AGBL4: variants seen among roughly 807,000 people sequenced by gnomAD.
AGBL4 encodes AGBL carboxypeptidase 4.
In AGBL4, 58 loss-of-function variants were observed where a neutral mutation model predicts 66.4. The observed-to-expected ratio is 0.87, with a 90% CI of 0.71 to 1.09. AGBL4 has a LOEUF of 1.09. Ranked by LOEUF, AGBL4 falls within the 50% of genes least tolerant of loss-of-function variation. The pLI is 0.00. For synonymous variants in AGBL4, 234 were observed against 222.9 expected (o/e 1.05, Z -0.44); for missense variants, 579 against 631.0 (o/e 0.92, Z 0.88).
chr1:49,928,993 G>A (rs772385072), intron 1 of AGBL4, among the ~76,000 whole-genome samples: 76 of 152,058 alleles, frequency 5.0e-4, no homozygotes, highest in Non-Finnish European at 8.4e-4. Context: ...CCATAAAAAA[G>A]AATGAAATCA....
At chr1:49,927,919 TAGAC>T (rs1652955357) in intron 1 of AGBL4, among the ~76,000 whole-genome samples, 1 of 152,030 alleles carries the variant, frequency 6.6e-6, no homozygotes, top group Non-Finnish European at 1.5e-5. Context: ...AATGATAAAA[TAGAC>T]AAGGACATAA....
At chr1:48,899,466 C>A (rs1651880638) in intron 5 of AGBL4, among the ~76,000 whole-genome samples, 1 of 150,374 alleles carries the variant, frequency 6.7e-6, no homozygotes, top group African/African-American at 2.5e-5. Flanking sequence ...CATTTCCAGG[C>A]AGCAAAGAGA....
chr1:49,321,075 G>T (rs1203947441), intron 3 of AGBL4, among the ~76,000 whole-genome samples: 2 of 152,026 alleles, frequency 1.3e-5, no homozygotes, highest in Non-Finnish European at 2.9e-5. Flanking sequence ...TGAAAATTGG[G>T]TGGGGACACA....
At chr1:49,157,143 G>C (rs1646446988) in intron 4 of AGBL4, among the ~76,000 whole-genome samples, 1 of 151,786 alleles carries the variant, frequency 6.6e-6, no homozygotes, top group South Asian at 2.1e-4. Flanking sequence ...GTGCAGGTTT[G>C]TTGCACAGGT....
intron 1 of AGBL4, among the ~76,000 whole-genome samples, chr1:49,891,380 T>C (rs577340948): frequency 5.5e-4 from 84 of 152,266 alleles, no homozygotes; most frequent in African/African-American, 2.0e-3. Flanking sequence ...CTGGGCAATT[T>C]TGCTGCTCAA....
chr1:48,889,447 T>C (rs1221036395), intron 5 of AGBL4, among the ~76,000 whole-genome samples: 2 of 151,892 alleles, frequency 1.3e-5, no homozygotes, highest in South Asian at 2.1e-4. Context: ...ATAAACTGAG[T>C]GAGAAAGATA....
In AGBL4 at chr1:49,843,697, T is replaced by C. The variant is rs142901491; in HGVS notation, c.157+7699A>G. ...CCTCCCTCCCATGTAATGGGAAACATACAGGTTCTATGGTTAAGATGTGGG... is the reference window on the plus strand; with the variant it reads ...CCTCCCTCCCATGTAATGGGAAACACACAGGTTCTATGGTTAAGATGTGGG... On this transcript the variant is annotated intron_variant, in intron 2 of 13. Coordinates refer to ENST00000371839, the MANE Select transcript of AGBL4 (RefSeq NM_032785.4). Among the ~76,000 whole-genome samples, 557 of 152,310 alleles carry C rather than the reference T, an allele frequency of 3.7e-3. 3 individuals carry two copies. Among genetic ancestry groups the C allele is most frequent in the African/African-American group, 0.013 (547 of 41,568 alleles).
chr1:48,691,367 C>T (rs554733638), intron 6 of AGBL4, among the ~76,000 whole-genome samples: 6 of 152,120 alleles, frequency 3.9e-5, no homozygotes, highest in East Asian at 3.9e-4. Flanking sequence ...ATTTTAAGTG[C>T]ACACACGGCT....
chr1:48,999,013 C>T (rs1661209325), intron 5 of AGBL4, among the ~76,000 whole-genome samples: 1 of 152,164 alleles, frequency 6.6e-6, no homozygotes, highest in Admixed American at 6.5e-5. Context: ...GAGTTTACTT[C>T]CATAAAAGGA....
chr1:49,594,722 A>G (rs573215356), intron 3 of AGBL4, among the ~76,000 whole-genome samples: 5 of 152,180 alleles, frequency 3.3e-5, no homozygotes, highest in Non-Finnish European at 7.3e-5. Flanking sequence ...CTGCATAGTT[A>G]TCCATGGTGT....
downstream of AGBL4, among the ~76,000 whole-genome samples, chr1:48,528,252 G>A (rs549769757): frequency 2.6e-5 from 4 of 152,280 alleles, no homozygotes; most frequent in South Asian, 2.1e-4. Flanking sequence ...GCAATGGGAC[G>A]TGGTGGTTGG....
intron 3 of AGBL4, among the ~76,000 whole-genome samples, chr1:49,636,941 A>C (rs1167531054): frequency 6.6e-6 from 1 of 152,184 alleles, no homozygotes; most frequent in Admixed American, 6.5e-5. Flanking sequence ...GGGCTGGGAA[A>C]GGCAGACCCA....
chr1:49,341,995 T>C (rs1161682577), intron 3 of AGBL4, among the ~76,000 whole-genome samples: 2 of 152,188 alleles, frequency 1.3e-5, no homozygotes, highest in African/African-American at 2.4e-5. Context: ...TTCCCTGGTT[T>C]ACTGGTCTGT....
intron 3 of AGBL4, among the ~76,000 whole-genome samples, chr1:49,569,292 T>C (rs1016794368): frequency 1.3e-5 from 2 of 152,080 alleles, no homozygotes; most frequent in African/African-American, 4.8e-5. Flanking sequence ...CTAGAAAGAA[T>C]GGGTAAAACC....
chr1:49,105,536 A>C (rs1645277137), intron 4 of AGBL4, among the ~76,000 whole-genome samples: 1 of 152,196 alleles, frequency 6.6e-6, no homozygotes, highest in African/African-American at 2.4e-5. Flanking sequence ...AATACCATCC[A>C]CTTTGCATTA....
At chr1:49,259,132 G>A (rs191379428) in intron 3 of AGBL4, among the ~76,000 whole-genome samples, 1 of 152,158 alleles carries the variant, frequency 6.6e-6, no homozygotes, top group Non-Finnish European at 1.5e-5. Flanking sequence ...CACCAGGCCT[G>A]CCCTAAAAGA....
chr1:48,836,069 G>A (rs1241352512), intron 6 of AGBL4, among the ~76,000 whole-genome samples: 1 of 152,044 alleles, frequency 6.6e-6, no homozygotes, highest in Non-Finnish European at 1.5e-5. Flanking sequence ...TATTGCAGTA[G>A]TTCAGATGAA....
chr1:49,580,440 T>C (rs1644520581), intron 3 of AGBL4, among the ~76,000 whole-genome samples: 1 of 152,236 alleles, frequency 6.6e-6, no homozygotes, highest in Non-Finnish European at 1.5e-5. Context: ...AATTCTGTAA[T>C]GGTGCAATTT....
chr1:49,575,008 G>A (rs779381883), intron 3 of AGBL4, among the ~76,000 whole-genome samples: 8 of 152,036 alleles, frequency 5.3e-5, no homozygotes, highest in Non-Finnish European at 7.4e-5. Flanking sequence ...AGGGGAAGTC[G>A]GGTCCCCTTG....
Sources: gnomAD v4.1 joint callset for allele counts (sites outside exome capture counted in the v4.1 genomes callset) on GRCh38, gnomAD v4.1.1 for gene constraint, MANE v1.5 for transcripts, NCBI Gene and HGNC (gene_info 2026-07-23, HGNC 2026-07-21) for gene names.